SFMBT1: variants seen among roughly 807,000 people sequenced by gnomAD.
SFMBT1 encodes scm-like with four MBT domains protein 1.
SFMBT1 carries 32 observed loss-of-function variants against 108.7 expected under a neutral mutation model. The observed-to-expected ratio is 0.29, with a 90% confidence interval of 0.22 to 0.40. SFMBT1 has a LOEUF of 0.40. Among genes scored for constraint, SFMBT1 ranks in the 10% least tolerant of loss-of-function variants. SFMBT1 has a pLI of 1.00. For missense variants in SFMBT1, 816 were observed against 1,059.6 expected, an observed-to-expected ratio of 0.77 and a Z score of 3.19; for synonymous variants, 348 against 369.5, an observed-to-expected ratio of 0.94 and a Z score of 0.67.
At position 52,969,267 on chromosome 3, in the gene SFMBT1, T is replaced by C. The variant is rs1327239134; in HGVS notation, c.-130-9A>G. ...GGGTCCAAATGAAAGTGCTGAAAAA[T>C]GAAAAAGAACACATTAAACAGCCTG... On this transcript the variant is annotated splice_polypyrimidine_tract_variant and intron_variant, in intron 1 of 20. Transcript: ENST00000394752. 6.0e-6 allele frequency: 9 copies of C among 1,503,856 alleles called. No individual in the cohort carries two copies. In the East Asian group the frequency reaches 1.9e-4, roughly 31 times the overall value. 93.2% of individuals were successfully genotyped at this position (1,503,856 alleles called of 1,614,324 possible). A position where few individuals can be genotyped will look rare whatever the true frequency, so the allele number is the denominator to read the frequency against.
chr3:53,043,847 T>A (rs575201692), intron 1 of SFMBT1, among the ~76,000 whole-genome samples: 1 of 152,338 alleles, frequency 6.6e-6, no homozygotes, highest in East Asian at 1.9e-4. Context: ...ATACAAGCTA[T>A]CCTCAGTTTG....
chr3:52,953,036 A>G (rs1265938205), intron 3 of SFMBT1, among the ~76,000 whole-genome samples: 1 of 152,236 alleles, frequency 6.6e-6, no homozygotes, highest in East Asian at 1.9e-4. Flanking sequence ...GAGAAGATAA[A>G]TGTCAGTTGT....
At chr3:52,982,475 T>C (rs1704746656) in intron 1 of SFMBT1, among the ~76,000 whole-genome samples, 2 of 152,130 alleles carry the variant, frequency 1.3e-5, no homozygotes, top group Admixed American at 1.3e-4. Context: ...ACGCCTGTAA[T>C]GCCAGCACTT....
At chr3:52,985,058 G>A (rs1052419455) in intron 1 of SFMBT1, among the ~76,000 whole-genome samples, 4 of 152,092 alleles carry the variant, frequency 2.6e-5, no homozygotes, top group Non-Finnish European at 5.9e-5. Flanking sequence ...CTCTTCCAGA[G>A]TTCAAATATG....
At chr3:52,920,450 TGAAA>T in intron 12 of SFMBT1, 83 bp downstream of exon 12, 7 of 917,394 alleles carry the variant, frequency 7.6e-6, no homozygotes, top group Admixed American at 5.2e-5. Flanking sequence ...TTTTTTTCTC[TGAAA>T]TGTCCAGATT....
intron 1 of SFMBT1, among the ~76,000 whole-genome samples, chr3:52,985,931 T>C (rs987965459): frequency 6.6e-6 from 1 of 151,954 alleles, no homozygotes; most frequent in African/African-American, 2.4e-5. Context: ...TCATTTGAGG[T>C]GAAGAGTTTG....
intron 1 of SFMBT1, among the ~76,000 whole-genome samples, chr3:53,019,515 C>T (rs1298245961): frequency 6.6e-6 from 1 of 152,110 alleles, no homozygotes; most frequent in African/African-American, 2.4e-5. Context: ...TCCTTCTCAA[C>T]CCAACTCTCC....
chr3:53,017,512 G>A (rs1282006560), intron 1 of SFMBT1, among the ~76,000 whole-genome samples: 1 of 152,200 alleles, frequency 6.6e-6, no homozygotes, highest in Non-Finnish European at 1.5e-5. Flanking sequence ...CAGATCAGAA[G>A]TGTAGTCTCC....
chr3:53,000,216 A>C (rs1159637243), intron 1 of SFMBT1, among the ~76,000 whole-genome samples: 4 of 143,468 alleles, frequency 2.8e-5, no homozygotes, highest in African/African-American at 1.0e-4. Context: ...CATACACGAC[A>C]CTTCGGTTTT....
chr3:52,915,346 G>A (rs1281970990), intron 14 of SFMBT1, among the ~76,000 whole-genome samples: 1 of 152,198 alleles, frequency 6.6e-6, no homozygotes, highest in Admixed American at 6.5e-5. Context: ...CGAATGGCCA[G>A]GAAAGCATCA....
chr3:52,906,347 G>T (rs1702065461), intron 19 of SFMBT1, 106 bp from the exon 20 acceptor site: 1 of 1,539,730 alleles, frequency 6.5e-7, no homozygotes, highest in Non-Finnish European at 8.9e-7. Flanking sequence ...ATTTAAAGTG[G>T]TCTTAGGACA....
At chr3:52,929,082 C>T (rs1702777523) in intron 8 of SFMBT1, among the ~76,000 whole-genome samples, 1 of 151,988 alleles carries the variant, frequency 6.6e-6, no homozygotes, top group Non-Finnish European at 1.5e-5. Flanking sequence ...CCCTGGGTTA[C>T]AAAACAAAGA....
chr3:52,914,687 T>G (rs552749622), intron 14 of SFMBT1, among the ~76,000 whole-genome samples: 1 of 152,290 alleles, frequency 6.6e-6, no homozygotes, highest in South Asian at 2.1e-4. Flanking sequence ...GAGGTTGCAG[T>G]GAGCTGATAT....
chr3:53,013,856 T>G (rs1350705453), intron 1 of SFMBT1, among the ~76,000 whole-genome samples: 7 of 152,104 alleles, frequency 4.6e-5, no homozygotes, highest in Non-Finnish European at 1.0e-4. Flanking sequence ...CTCGATCTCC[T>G]GATCCCAGGT....
At chr3:52,950,722 C>T (rs1703549260) in intron 3 of SFMBT1, among the ~76,000 whole-genome samples, 1 of 152,138 alleles carries the variant, frequency 6.6e-6, no homozygotes, top group Admixed American at 6.5e-5. Context: ...GATCCACCCG[C>T]CATGGCCTCC....
Position 52,986,145 on chromosome 3 carries a change from GAA to G in SFMBT1, c.-130-16889_-130-16888del, listed in dbSNP as rs34923532. ...GAGACAGAGTGAGACTCCGTCTCAG[GAA>G]AAAAAAAAAAAAAAAGATAAAAAAT... On this transcript the variant is annotated intron_variant, in intron 1 of 20. Transcript: ENST00000394752. Among the ~76,000 whole-genome samples, 139 of 130,182 alleles carry G rather than the reference GAA, an allele frequency of 1.1e-3. 1 individual carries two copies. The highest frequency in any genetic ancestry group is 5.6e-3 in the South Asian group (22 of 3,952). The allele number at this position is 130,182 out of a possible 152,430, so 85.4% of individuals were successfully genotyped here. A position where few individuals can be genotyped will look rare whatever the true frequency, so the allele number is the denominator to read the frequency against.
intron 3 of SFMBT1, among the ~76,000 whole-genome samples, chr3:52,944,494 A>G (rs1703292402): frequency 6.6e-6 from 1 of 152,138 alleles, no homozygotes; most frequent in Non-Finnish European, 1.5e-5. Context: ...AAGCAAATAT[A>G]GTGTACAAAT....
chr3:52,940,370 C>A (rs1359841654), intron 4 of SFMBT1, among the ~76,000 whole-genome samples: 1 of 152,176 alleles, frequency 6.6e-6, no homozygotes, highest in African/African-American at 2.4e-5. Flanking sequence ...AAATAAGAAA[C>A]TGCTTAAAGA....
chr3:53,039,584 C>A (rs1699969774), intron 1 of SFMBT1, among the ~76,000 whole-genome samples: 1 of 152,154 alleles, frequency 6.6e-6, no homozygotes, highest in Admixed American at 6.5e-5. Context: ...TGCCACTGAC[C>A]TGTACGTGTA....
Sources: gnomAD v4.1 joint callset for allele counts (sites outside exome capture counted in the v4.1 genomes callset) on GRCh38, gnomAD v4.1.1 for gene constraint, MANE v1.5 for transcripts, NCBI Gene and HGNC (gene_info 2026-07-23, HGNC 2026-07-21) for gene names.